Variants in FKTN observed in about 807,000 individuals in gnomAD.
FKTN encodes fukutin.
In FKTN, 47 loss-of-function variants were observed where a neutral mutation model predicts 58.6. The ratio of observed to expected loss-of-function variants is 0.80; its 90% CI spans 0.63 to 1.02. The LOEUF (loss-of-function observed/expected upper bound fraction) is 1.02. FKTN is among the 50% of genes least tolerant of loss of function. FKTN has a pLI of 0.00. For synonymous variants in FKTN, 178 were observed against 191.9 expected, an observed-to-expected ratio of 0.93 and a Z score of 0.60; for missense variants, 516 against 537.3, an observed-to-expected ratio of 0.96 and a Z score of 0.39.
chr9:105,615,531 A>T, intron 8 of FKTN, 124 bp downstream of exon 8: 1 of 877,974 alleles, frequency 1.1e-6, no homozygotes, highest in South Asian at 1.3e-5. Flanking sequence ...CAGAATAAAC[A>T]TGAGTGCATG....
At chr9:105,567,316 A>G (rs1176399306) in intron 1 of FKTN, among the ~76,000 whole-genome samples, 4 of 152,184 alleles carry the variant, frequency 2.6e-5, no homozygotes, top group African/African-American at 9.6e-5. Context: ...GGCAGGAGAA[A>G]GAAATAAAAG....
intron 7 of FKTN, among the ~76,000 whole-genome samples, chr9:105,612,048 GT>G (rs1025090260): frequency 1.3e-5 from 2 of 148,848 alleles, no homozygotes; most frequent in South Asian, 4.3e-4. Flanking sequence ...TATTTTATTA[GT>G]TTTTTTTTAC....
chr9:105,569,577 A>G (rs1025095378), intron 1 of FKTN, among the ~76,000 whole-genome samples: 8 of 152,188 alleles, frequency 5.3e-5, no homozygotes, highest in African/African-American at 1.9e-4. Flanking sequence ...TCTGACACCT[A>G]TAACCCATTC....
intron 7 of FKTN, among the ~76,000 whole-genome samples, chr9:105,613,995 TGTG>T (rs1241130091): frequency 6.6e-6 from 1 of 152,120 alleles, no homozygotes; most frequent in Non-Finnish European, 1.5e-5. Context: ...CTTGAAAAGT[TGTG>T]GTGTATTTGA....
chr9:105,588,145 A>G (rs1296321443), intron 3 of FKTN, among the ~76,000 whole-genome samples: 2 of 152,260 alleles, frequency 1.3e-5, no homozygotes, highest in African/African-American at 4.8e-5. Context: ...CTGCATTTCA[A>G]AAATGATAGA....
At chr9:105,593,164 G>A (rs1845214362) in intron 3 of FKTN, among the ~76,000 whole-genome samples, 2 of 152,192 alleles carry the variant, frequency 1.3e-5, no homozygotes, top group Admixed American at 1.3e-4. Context: ...GAGGCCTCAG[G>A]AAACTTAGAA....
chr9:105,599,475 C>CTTTT (rs56397759), intron 4 of FKTN, among the ~76,000 whole-genome samples: 1 of 101,170 alleles, frequency 9.9e-6, no homozygotes, highest in African/African-American at 3.7e-5. Flanking sequence ...TCAGGTTTTG[C>CTTTT]TTTTTTTTTT....
chr9:105,572,665 C>A (rs552634214), intron 1 of FKTN, among the ~76,000 whole-genome samples: 13 of 152,128 alleles, frequency 8.5e-5, no homozygotes, highest in Admixed American at 7.2e-4. Context: ...TGCACAGATA[C>A]CCCATCTTTG....
chr9:105,615,146 A>G (rs1043922989), intron 7 of FKTN, 132 bp from the exon 8 acceptor site: 59 of 957,312 alleles, frequency 6.2e-5, no homozygotes, highest in Admixed American at 2.3e-4. Context: ...GGCTTCCCAA[A>G]GTTCTGGGGT....
chr9:105,571,869 G>A (rs993477938), intron 1 of FKTN, among the ~76,000 whole-genome samples: 10 of 152,238 alleles, frequency 6.6e-5, no homozygotes, highest in Middle Eastern at 3.4e-3. Flanking sequence ...CAACTTTTGC[G>A]TGCTAATATG....
rs898251320 is a variant in FKTN, at chr9:105,637,052, C to T, written c.*1788C>T. On this transcript the variant is annotated 3_prime_UTR_variant, in exon 11 of 11. Transcript: ENST00000357998. ...ATCCATTTTCTCTTTGCTAGAAAAT[C>T]AGCCCATAGAGTGCATTCCCAAATT... is the stretch of plus-strand genomic sequence containing the variant. 3.3e-5 allele frequency: 33 copies of T among 995,214 alleles called. No individual in the cohort carries two copies. The highest frequency in any genetic ancestry group is 3.8e-5 in the Non-Finnish European group (32 of 834,654). The allele number at this position is 995,214 out of a possible 1,614,324, so 61.6% of individuals were successfully genotyped here.
At chr9:105,563,589 C>A in intron 1 of FKTN, among the ~76,000 whole-genome samples, 1 of 136,564 alleles carries the variant, frequency 7.3e-6, no homozygotes, top group African/African-American at 2.8e-5. Context: ...TGCAACGTGG[C>A]AGCGAGGCTG....
At chr9:105,620,260 G>A (rs1048637175) in intron 10 of FKTN, 199 bp downstream of exon 10, 2 of 492,212 alleles carry the variant, frequency 4.1e-6, no homozygotes, top group African/African-American at 2.0e-5. Context: ...TGAGGAGGAA[G>A]TGTCCCTGGG....
chr9:105,622,520 A>G (rs953326492), intron 10 of FKTN, among the ~76,000 whole-genome samples: 1 of 151,808 alleles, frequency 6.6e-6, no homozygotes, highest in Admixed American at 6.6e-5. Flanking sequence ...ATATATATTT[A>G]TATATATAAT....
chr9:105,574,728 A>G (rs1445646803), intron 2 of FKTN, among the ~76,000 whole-genome samples: 1 of 152,158 alleles, frequency 6.6e-6, no homozygotes, highest in Non-Finnish European at 1.5e-5. Flanking sequence ...TATCCTATTT[A>G]TGTTTTCAGT....
intron 5 of FKTN, among the ~76,000 whole-genome samples, chr9:105,602,449 C>T (rs1057133789): frequency 6.6e-6 from 1 of 152,234 alleles, no homozygotes; most frequent in Non-Finnish European, 1.5e-5. Flanking sequence ...AAAACTGATA[C>T]TACCATAGTC....
In FKTN at chr9:105,637,080, A is replaced by C; in HGVS notation, c.*1816A>C. ...CCCATAGAGTGCATTCCCAAATTCT[A>C]AATAGCTGACCCTAAATTCATTTTT... On this transcript the variant is annotated 3_prime_UTR_variant, in exon 11 of 11. Coordinates refer to ENST00000357998, the MANE Select transcript of FKTN (RefSeq NM_001079802.2). 1.0e-6 allele frequency: 1 copy of C among 987,526 alleles called. No individual in the cohort carries two copies. Among genetic ancestry groups the C allele is most frequent in the Non-Finnish European group, 1.2e-6 (1 of 830,212 alleles). 61.2% of individuals were successfully genotyped at this position (987,526 alleles called of 1,614,324 possible). A position where few individuals can be genotyped will look rare whatever the true frequency, so the allele number is the denominator to read the frequency against.
At chr9:105,598,518 G>C (rs548801222) in intron 4 of FKTN, 1 of 153,518 alleles carries the variant, frequency 6.5e-6, no homozygotes, top group African/African-American at 2.4e-5. Flanking sequence ...AGATGAATGG[G>C]CTATTATGGT....
rs78396218 is a variant in FKTN at position 105,589,974 on chromosome 9, A to G, written c.106-6624A>G. On this transcript the variant is annotated intron_variant, in intron 3 of 10. Transcript: ENST00000357998. Reference sequence around the variant, plus strand: ...TACTTAGGGTCTTGTAAGCCGTTGTAAGGACTTTGACCTTTTATCCTGAGT... The same window carrying G: ...TACTTAGGGTCTTGTAAGCCGTTGTGAGGACTTTGACCTTTTATCCTGAGT... 9.0e-3 allele frequency among the ~76,000 whole-genome samples: 1,378 copies of G among 152,286 alleles called. 22 individuals are homozygous for G. Among genetic ancestry groups the G allele is most frequent in the African/African-American group, 0.032 (1,320 of 41,542 alleles).
Sources: gnomAD v4.1 joint callset for allele counts (sites outside exome capture counted in the v4.1 genomes callset) on GRCh38, gnomAD v4.1.1 for gene constraint, MANE v1.5 for transcripts, NCBI Gene and HGNC (gene_info 2026-07-23, HGNC 2026-07-21) for gene names.